AKAP6: variants seen among roughly 807,000 people sequenced by gnomAD.
The protein encoded by AKAP6 is A-kinase anchor protein 6.
In AKAP6, 58 loss-of-function variants were observed where a neutral mutation model predicts 188.5. The ratio of observed to expected loss-of-function variants is 0.31; its 90% CI spans 0.25 to 0.38. AKAP6 has a LOEUF of 0.38. Ranked by LOEUF, AKAP6 falls within the 10% of genes least tolerant of loss-of-function variation. The pLI is 1.00. For missense variants in AKAP6, 2,710 were observed against 2,740.0 expected (o/e 0.99, Z 0.24); for synonymous variants, 989 against 998.6 (o/e 0.99, Z 0.18).
At chr14:32,520,194 G>A (rs963343028) in intron 2 of AKAP6, among the ~76,000 whole-genome samples, 21 of 152,320 alleles carry the variant, frequency 1.4e-4, no homozygotes, top group African/African-American at 5.1e-4. Flanking sequence ...CACATTTAAA[G>A]CAGTGTGTAG....
chr14:32,384,269 G>A (rs190050543), intron 1 of AKAP6, among the ~76,000 whole-genome samples: 41 of 152,224 alleles, frequency 2.7e-4, no homozygotes, highest in African/African-American at 7.9e-4. Flanking sequence ...GTAAATTTTC[G>A]TGATACCGGA....
intron 9 of AKAP6, among the ~76,000 whole-genome samples, chr14:32,716,875 A>G (rs2030238788): frequency 1.3e-5 from 2 of 152,074 alleles, no homozygotes; most frequent in Admixed American, 1.3e-4. Context: ...ATCTTATTAC[A>G]AAACTCATCT....
At chr14:32,757,216 TGG>T (rs2032370688) in intron 11 of AKAP6, among the ~76,000 whole-genome samples, 1 of 152,240 alleles carries the variant, frequency 6.6e-6, no homozygotes, top group Non-Finnish European at 1.5e-5. Flanking sequence ...ATCTCTCATC[TGG>T]TTTCCTTAGC....
chr14:32,789,713 C>T (rs187362434), intron 12 of AKAP6, among the ~76,000 whole-genome samples: 48 of 152,280 alleles, frequency 3.2e-4, no homozygotes, highest in African/African-American at 1.1e-3. Context: ...ACAAAAACCC[C>T]GTTCAAGTTA....
intron 1 of AKAP6, among the ~76,000 whole-genome samples, chr14:32,343,746 C>CAAAAAAAAA (rs56376110): frequency 2.4e-4 from 9 of 37,262 alleles, no homozygotes; most frequent in Non-Finnish European, 3.4e-4. Flanking sequence ...GATTCCGTCT[C>CAAAAAAAAA]AAAAAAAAAA....
chr14:32,807,937 A>C (rs1263866717), intron 12 of AKAP6, among the ~76,000 whole-genome samples: 1 of 152,200 alleles, frequency 6.6e-6, no homozygotes, highest in African/African-American at 2.4e-5. Flanking sequence ...TCATAATAAC[A>C]CTGTACCTGT....
At chr14:32,581,929 G>A (rs1381687211) in intron 5 of AKAP6, among the ~76,000 whole-genome samples, 1 of 152,112 alleles carries the variant, frequency 6.6e-6, no homozygotes, top group East Asian at 1.9e-4. Flanking sequence ...GCACACGGAT[G>A]GGTCTTGACA....
At chr14:32,432,482 C>T (rs1331193953) in intron 1 of AKAP6, among the ~76,000 whole-genome samples, 5 of 151,988 alleles carry the variant, frequency 3.3e-5, no homozygotes, top group Admixed American at 6.6e-5. Context: ...CAATTTATTA[C>T]CCCTAAAATT....
intron 5 of AKAP6, among the ~76,000 whole-genome samples, chr14:32,594,451 T>C (rs1885608590): frequency 6.6e-6 from 1 of 152,200 alleles, no homozygotes; most frequent in Non-Finnish European, 1.5e-5. Context: ...TCTGATCAAG[T>C]TTTCAGGAGG....
At position 32,379,364 on chromosome 14, in the gene AKAP6, G is replaced by C. The variant is rs573390184; in HGVS notation, c.-35+49956G>C. 8.5e-5 allele frequency among the ~76,000 whole-genome samples: 13 copies of C among 152,252 alleles called. No individual in the cohort carries two copies. The East Asian group carries it at 2.5e-3, about 29-fold the overall frequency. On this transcript the variant is annotated intron_variant, in intron 1 of 13. Coordinates refer to ENST00000280979, the MANE Select transcript of AKAP6 (RefSeq NM_004274.5). ...TCTTTGCTGCTGTCAACCGTCCTCT[G>C]TAATACAGGTTCTCTGTTTCTATTC...
chr14:32,632,555 G>A (rs747962886), intron 7 of AKAP6, among the ~76,000 whole-genome samples: 2 of 152,168 alleles, frequency 1.3e-5, no homozygotes, highest in Non-Finnish European at 2.9e-5. Context: ...TTTATGCTCA[G>A]AGGAAATGAT....
intron 5 of AKAP6, among the ~76,000 whole-genome samples, chr14:32,586,143 T>G (rs912766382): frequency 2.0e-5 from 3 of 152,284 alleles, no homozygotes; most frequent in African/African-American, 7.2e-5. Flanking sequence ...GTATAGTATT[T>G]GAAGGATATG....
intron 2 of AKAP6, among the ~76,000 whole-genome samples, chr14:32,514,534 A>G (rs901539610): frequency 1.1e-4 from 17 of 152,326 alleles, no homozygotes; most frequent in African/African-American, 4.1e-4. Flanking sequence ...TCTTTCTCCC[A>G]GTAGAAAAAG....
At chr14:32,576,990 G>C in intron 4 of AKAP6, 130 bp from the exon 5 acceptor site, 1 of 1,010,320 alleles carries the variant, frequency 9.9e-7, no homozygotes, top group Non-Finnish European at 1.4e-6. Context: ...GATGAAACTA[G>C]GATAGGAGTG....
intron 1 of AKAP6, among the ~76,000 whole-genome samples, chr14:32,415,203 C>T (rs138592358): frequency 2.6e-3 from 389 of 152,276 alleles, no homozygotes; most frequent in African/African-American, 8.2e-3. Context: ...TGTCATCCTA[C>T]AGTGCTATTG....
At chr14:32,523,293 G>A (rs566707966) in intron 2 of AKAP6, among the ~76,000 whole-genome samples, 98 of 152,080 alleles carry the variant, frequency 6.4e-4, no homozygotes, top group African/African-American at 2.3e-3. Flanking sequence ...AAACCTGCAC[G>A]TTGTGCACAT....
At chr14:32,695,570 G>A (rs549948126) in intron 8 of AKAP6, among the ~76,000 whole-genome samples, 2 of 152,152 alleles carry the variant, frequency 1.3e-5, no homozygotes, top group African/African-American at 4.8e-5. Context: ...AGGGGAAAGG[G>A]GTTCCAATTT....
intron 2 of AKAP6, among the ~76,000 whole-genome samples, chr14:32,514,431 A>G (rs1477372726): frequency 6.6e-6 from 1 of 152,252 alleles, no homozygotes; most frequent in Non-Finnish European, 1.5e-5. Flanking sequence ...TTACTGATCT[A>G]AATAGATAAA....
intron 2 of AKAP6, among the ~76,000 whole-genome samples, chr14:32,500,304 T>G (rs565253290): frequency 6.6e-6 from 1 of 152,162 alleles, no homozygotes; most frequent in Non-Finnish European, 1.5e-5. Context: ...ACCTGTTCAT[T>G]TGGCAGATTG....
Sources: allele counts gnomAD v4.1 joint callset (sites outside exome capture counted in the v4.1 genomes callset), GRCh38; gene constraint gnomAD v4.1.1; transcripts MANE v1.5; gene names NCBI Gene and HGNC (gene_info 2026-07-23, HGNC 2026-07-21).